NAA50: variants seen among roughly 807,000 people sequenced by gnomAD.
NAA50 encodes N-alpha-acetyltransferase 50.
In NAA50, 7 loss-of-function variants were observed where a neutral mutation model predicts 20.7. The observed-to-expected ratio is 0.34, with a 90% CI of 0.19 to 0.63. The LOEUF (loss-of-function observed/expected upper bound fraction) is 0.63. NAA50 is among the 30% of genes least tolerant of loss of function. The pLI is 0.75. For synonymous variants in NAA50, 54 were observed against 70.6 expected, an observed-to-expected ratio of 0.77 and a Z score of 1.18; for missense variants, 111 against 199.1, an observed-to-expected ratio of 0.56 and a Z score of 2.66.
At position 113,721,792 on chromosome 3, in the gene NAA50, G is replaced by A; in HGVS notation, c.478C>T (p.Gln160Ter). 1 of 1,613,888 alleles carries A rather than the reference G, an allele frequency of 6.2e-7. No homozygotes were observed. Residue 160 changes from glutamine to a stop codon, truncating the protein, a stop_gained, in exon 5 of 5, where the codon CAG becomes TAG. Coordinates refer to ENST00000240922, the MANE Select transcript of NAA50 (RefSeq NM_025146.4). LOFTEE classifies it high-confidence loss of function. ...TCTGTCTTTTGCACATCTGCATTCT[G>A]ACCAGAAGGAACTTTGAGGTTTTTC... ...LQKNLKVPSG[Q>*]NADVQKTDN is the part of the protein sequence containing the mutation.
At chr3:113,736,494 C>A (rs780876045) in intron 1 of NAA50, among the ~76,000 whole-genome samples, 4 of 152,144 alleles carry the variant, frequency 2.6e-5, no homozygotes, top group Non-Finnish European at 5.9e-5. Context: ...GAAAACTTTA[C>A]CCTTGGCCTA....
intron 1 of NAA50, among the ~76,000 whole-genome samples, chr3:113,734,105 TG>T (rs1708307477): frequency 6.6e-6 from 1 of 152,122 alleles, no homozygotes; most frequent in Non-Finnish European, 1.5e-5. Flanking sequence ...ACATACACCA[TG>T]GAATACTACA....
At chr3:113,743,106 C>T (rs1024553372) in intron 1 of NAA50, among the ~76,000 whole-genome samples, 1 of 152,022 alleles carries the variant, frequency 6.6e-6, no homozygotes, top group Admixed American at 6.6e-5. Flanking sequence ...AGTTAATAAC[C>T]GGAAATTTAT....
chr3:113,723,597 CT>C (rs1708162778), intron 2 of NAA50, 56 bp from the exon 3 acceptor site: 1 of 1,519,374 alleles, frequency 6.6e-7, no homozygotes, highest in South Asian at 1.3e-5. Flanking sequence ...CACATTTAAT[CT>C]TTTTCCCTTT....
intron 1 of NAA50, among the ~76,000 whole-genome samples, chr3:113,739,861 T>C (rs985315610): frequency 6.6e-6 from 1 of 152,210 alleles, no homozygotes; most frequent in African/African-American, 2.4e-5. Flanking sequence ...CACAGGACCG[T>C]CCAACAGATA....
intron 1 of NAA50, among the ~76,000 whole-genome samples, chr3:113,736,509 TCAAG>T (rs1038486927): frequency 6.6e-6 from 1 of 152,208 alleles, no homozygotes; most frequent in African/African-American, 2.4e-5. Flanking sequence ...GGCCTATAAA[TCAAG>T]CAGTGTGATG....
At chr3:113,723,937 C>CAA (rs759015612) in intron 2 of NAA50, 22 bp downstream of exon 2, 125 of 1,280,298 alleles carry the variant, frequency 9.8e-5, no homozygotes, top group South Asian at 3.5e-4. Flanking sequence ...GAAGGGAGGA[C>CAA]AAAAAAAAAA....
chr3:113,746,084 G>A lies in NAA50; in HGVS notation c.-135C>T. On this transcript the variant is annotated 5_prime_UTR_variant, in exon 1 of 5. Transcript: ENST00000240922. Reference sequence around the variant, plus strand: ...TCCTAGCCTGGGCAGGGAGCTGTGCGAGCAACGAAGGCCGCGAGAGTCGAG... The same window carrying A: ...TCCTAGCCTGGGCAGGGAGCTGTGCAAGCAACGAAGGCCGCGAGAGTCGAG... 1 of 1,188,914 alleles carries A rather than the reference G, an allele frequency of 8.4e-7. No homozygotes were observed. The highest frequency in any genetic ancestry group is 1.2e-6 in the Non-Finnish European group (1 of 853,982). 73.6% of individuals were successfully genotyped at this position (1,188,914 alleles called of 1,614,324 possible).
intron 1 of NAA50, chr3:113,741,140 A>T: frequency 1.8e-6 from 1 of 545,792 alleles, no homozygotes; most frequent in South Asian, 1.6e-5. Flanking sequence ...ATAATCAAAG[A>T]AACACACATA....
At chr3:113,741,274 C>A (rs1708410863) in intron 1 of NAA50, 3 of 385,102 alleles carry the variant, frequency 7.8e-6, no homozygotes, top group South Asian at 6.7e-5. Flanking sequence ...GAAATGGCAA[C>A]TGTGCCACAG....
intron 1 of NAA50, among the ~76,000 whole-genome samples, chr3:113,725,266 C>T (rs191620411): frequency 2.0e-5 from 3 of 152,216 alleles, no homozygotes; most frequent in African/African-American, 7.2e-5. Flanking sequence ...AATTTTTTTG[C>T]TCCATCCGTA....
At chr3:113,744,546 G>A (rs893859477) in intron 1 of NAA50, among the ~76,000 whole-genome samples, 5 of 151,972 alleles carry the variant, frequency 3.3e-5, no homozygotes, top group Non-Finnish European at 7.4e-5. Context: ...ATGTTGGATT[G>A]TATCTGAAAT....
At chr3:113,740,994 CCTT>C (rs1230759178) in intron 1 of NAA50, 1 of 506,530 alleles carries the variant, frequency 2.0e-6, no homozygotes, top group African/African-American at 2.0e-5. Flanking sequence ...CACTGTATCT[CCTT>C]CTTTTACATA....
intron 1 of NAA50, among the ~76,000 whole-genome samples, chr3:113,744,614 T>A (rs1457436282): frequency 6.6e-6 from 1 of 152,200 alleles, no homozygotes; most frequent in Non-Finnish European, 1.5e-5. Flanking sequence ...ACCCGTCAAT[T>A]ATATTTCCCT....
chr3:113,725,461 AAAAAAC>A (rs1708187980), intron 1 of NAA50, among the ~76,000 whole-genome samples: 2 of 152,210 alleles, frequency 1.3e-5, no homozygotes, highest in South Asian at 4.1e-4. Flanking sequence ...TTAAAATGCA[AAAAAAC>A]AAAAACAGAA....
rs1708130873 is a variant in NAA50, at chr3:113,721,223, T to C, written c.*537A>G. 1 of 153,678 alleles carries C rather than the reference T, an allele frequency of 6.5e-6. No individual in the cohort carries two copies. Among genetic ancestry groups the C allele is most frequent in the Non-Finnish European group, 1.4e-5 (1 of 69,154 alleles). The allele number at this position is 153,678 out of a possible 1,614,324, so 9.5% of individuals were successfully genotyped here. The stretch of plus-strand genomic sequence containing the variant: ...AAAATCAACATAAGCTTAGTATTTC[T>C]TACAAGGATAACAATGTTCCAACTC... On this transcript the variant is annotated 3_prime_UTR_variant, in exon 5 of 5. Coordinates refer to ENST00000240922, the MANE Select transcript of NAA50 (RefSeq NM_025146.4).
chr3:113,735,167 A>C (rs1418757372), intron 1 of NAA50, among the ~76,000 whole-genome samples: 1 of 152,244 alleles, frequency 6.6e-6, no homozygotes, highest in Non-Finnish European at 1.5e-5. Context: ...TTTAGACGTA[A>C]AAGAACAGGA....
In NAA50 at chr3:113,745,963, T is replaced by C. The variant is rs1460736941; in HGVS notation, c.-14A>G. The C allele has an allele frequency of 2.5e-6, 4 of 1,606,344 alleles. No homozygotes were observed. The highest frequency in any genetic ancestry group is 2.2e-5 in the East Asian group (1 of 44,728). On this transcript the variant is annotated 5_prime_UTR_variant, in exon 1 of 5. Coordinates refer to ENST00000240922, the MANE Select transcript of NAA50 (RefSeq NM_025146.4). ...TCACCCTTTCATCTTCCCCGCCTGC[T>C]GAGGCCGTCGTTACCACCGATATCA...
rs148074770 is a variant in NAA50, at chr3:113,737,672, G to C, written c.8+8270C>G. ...CCATCTTACCTAGATTTTACAGCAGGGTTTCTCAATCTCAACATTAGCATT... is the reference window on the plus strand; with the variant it reads ...CCATCTTACCTAGATTTTACAGCAGCGTTTCTCAATCTCAACATTAGCATT... On this transcript the variant is annotated intron_variant, in intron 1 of 4. Coordinates refer to ENST00000240922, the MANE Select transcript of NAA50 (RefSeq NM_025146.4). 9.2e-5 allele frequency among the ~76,000 whole-genome samples: 14 copies of C among 152,176 alleles called. No homozygotes were observed. In the East Asian group the frequency reaches 2.5e-3, roughly 27 times the overall value.
Sources: allele counts gnomAD v4.1 joint callset (sites outside exome capture counted in the v4.1 genomes callset), GRCh38; gene constraint gnomAD v4.1.1; transcripts MANE v1.5; gene names NCBI Gene and HGNC (gene_info 2026-07-23, HGNC 2026-07-21).